ADGRV1: variants seen among roughly 807,000 people sequenced by gnomAD.
The protein encoded by ADGRV1 is adhesion G protein-coupled receptor V1, also known as G-protein coupled receptor 98.
A neutral mutation model predicts 596.2 loss-of-function variants in ADGRV1; 359 were observed. The observed-to-expected ratio is 0.60, with a 90% CI of 0.55 to 0.66. ADGRV1 has a LOEUF of 0.66. ADGRV1 is among the 30% of genes least tolerant of loss of function. The probability of loss-of-function intolerance (pLI) is 0.00; values close to 1 mark genes in which losing one functional copy is unlikely to be tolerated. For missense variants in ADGRV1, 7,274 were observed against 7,575.6 expected (o/e 0.96, Z 1.48); for synonymous variants, 2,681 against 2,679.2 (o/e 1.00, Z -0.02).
chr5:91,031,717 A>G (rs1012027314), intron 85 of ADGRV1, among the ~76,000 whole-genome samples: 1 of 152,172 alleles, frequency 6.6e-6, no homozygotes, highest in African/African-American at 2.4e-5. Context: ...TCTTCTTATG[A>G]TCAATAATGC....
At chr5:90,697,481 G>A (rs971025361) in intron 34 of ADGRV1, among the ~76,000 whole-genome samples, 13 of 147,582 alleles carry the variant, frequency 8.8e-5, no homozygotes, top group Non-Finnish European at 1.6e-4. Flanking sequence ...GCTAATAAAG[G>A]TAAAGTGCTT....
At chr5:91,147,083 C>T (rs921231251) in intron 87 of ADGRV1, among the ~76,000 whole-genome samples, 24 of 150,972 alleles carry the variant, frequency 1.6e-4, no homozygotes, top group African/African-American at 5.8e-4. Flanking sequence ...GGGAGTATCG[C>T]TTGAGCCTGG....
intron 87 of ADGRV1, among the ~76,000 whole-genome samples, chr5:91,141,093 T>C (rs1795059369): frequency 6.6e-6 from 1 of 152,184 alleles, no homozygotes; most frequent in South Asian, 2.1e-4. Flanking sequence ...CCTTGGTGTA[T>C]AAAAAGAAGA....
chr5:90,790,481 C>G (rs1245145566), intron 69 of ADGRV1, among the ~76,000 whole-genome samples: 2 of 152,082 alleles, frequency 1.3e-5, no homozygotes, highest in African/African-American at 4.8e-5. Context: ...CATAGATAGT[C>G]CTTTTTTATT....
intron 78 of ADGRV1, among the ~76,000 whole-genome samples, chr5:90,843,845 T>A (rs1765639303): frequency 6.6e-6 from 1 of 151,732 alleles, no homozygotes; most frequent in Admixed American, 6.5e-5. Context: ...CCTGACTAAA[T>A]GAATGCATGA....
chr5:90,665,119 T>C (rs1771086750), intron 21 of ADGRV1, among the ~76,000 whole-genome samples: 1 of 149,606 alleles, frequency 6.7e-6, no homozygotes. Flanking sequence ...AGAATGATGC[T>C]GGCCTCATAA....
chr5:90,819,149 T>A lies in ADGRV1; in HGVS notation c.16196+3413T>A, dbSNP rs909115800. Reference sequence around the variant, plus strand: ...TCTTTGTGGTTTAGTCTTGGGAGAGTGTATGTGTCAAGGAATTTATCCATT... The same window carrying A: ...TCTTTGTGGTTTAGTCTTGGGAGAGAGTATGTGTCAAGGAATTTATCCATT... On this transcript the variant is annotated intron_variant, in intron 75 of 89. Coordinates refer to ENST00000405460, the MANE Select transcript of ADGRV1 (RefSeq NM_032119.4). 1.8e-4 allele frequency among the ~76,000 whole-genome samples: 26 copies of A among 146,562 alleles called. No homozygotes were observed. In the East Asian group the frequency reaches 2.7e-3, roughly 15 times the overall value.
chr5:91,114,843 A>T (rs908856544), intron 87 of ADGRV1, among the ~76,000 whole-genome samples: 1 of 152,170 alleles, frequency 6.6e-6, no homozygotes. Flanking sequence ...GAAGTGGAAC[A>T]TGCTGTCATT....
intron 1 of ADGRV1, among the ~76,000 whole-genome samples, chr5:90,589,906 G>C (rs1759251321): frequency 6.6e-6 from 1 of 152,014 alleles, no homozygotes; most frequent in African/African-American, 2.4e-5. Flanking sequence ...TGTACCTAAA[G>C]GTTGACCACT....
At chr5:91,024,190 A>G (rs1289132991) in intron 85 of ADGRV1, among the ~76,000 whole-genome samples, 2 of 152,064 alleles carry the variant, frequency 1.3e-5, no homozygotes, top group Non-Finnish European at 2.9e-5. Context: ...GATCTTAGCC[A>G]TTTCTTCCAT....
intron 65 of ADGRV1, among the ~76,000 whole-genome samples, chr5:90,782,831 G>A (rs1158282493): frequency 6.7e-6 from 1 of 148,374 alleles, no homozygotes; most frequent in Non-Finnish European, 1.5e-5. Context: ...AGAAAGCAAG[G>A]ATCATTTGTT....
chr5:90,850,255 A>T (rs1460569414), intron 79 of ADGRV1, among the ~76,000 whole-genome samples: 2 of 152,204 alleles, frequency 1.3e-5, no homozygotes, highest in Non-Finnish European at 2.9e-5. Context: ...GTACAGAATC[A>T]ACATATCCCT....
Position 90,644,744 on chromosome 5 carries a change from G to A in ADGRV1, c.2773G>A (p.Asp925Asn), listed in dbSNP as rs1767485214. 1 of 1,611,214 alleles carries A rather than the reference G, an allele frequency of 6.2e-7. No homozygotes were observed. Among genetic ancestry groups the A allele is most frequent in the South Asian group, 1.1e-5 (1 of 89,848 alleles). Reference protein sequence around the residue: ...DVVRNRGNFGDVSVSWVVSPD... With the variant: ...DVVRNRGNFGNVSVSWVVSPD... Reference sequence around the variant, plus strand: ...AGTAAGAAATCGAGGCAACTTTGGTGATGTTAGTGTATCATGGGTGGTTAG... The same window carrying A: ...AGTAAGAAATCGAGGCAACTTTGGTAATGTTAGTGTATCATGGGTGGTTAG... The change falls in exon 15 of 90, where the codon GAT becomes AAT. Residue 925 changes from aspartate (D) to asparagine (N), a missense_variant. Asp to Asn is a conservative substitution (Grantham distance 23). This residue lies in a region of ADGRV1 where 1,715 missense variants were observed against 1,708.8 expected (regional missense o/e 1.00). Transcript: ENST00000405460.
At chr5:90,925,633 T>C (rs1172596258) in intron 83 of ADGRV1, among the ~76,000 whole-genome samples, 4 of 149,780 alleles carry the variant, frequency 2.7e-5, no homozygotes, top group Middle Eastern at 3.4e-3. Flanking sequence ...TTCCTTCTCC[T>C]GCCTAATTGC....
intron 87 of ADGRV1, among the ~76,000 whole-genome samples, chr5:91,114,633 G>A (rs1205264395): frequency 2.0e-5 from 3 of 152,144 alleles, no homozygotes; most frequent in Admixed American, 6.5e-5. Flanking sequence ...GAGACAAAGT[G>A]GAAATTTGTT....
At chr5:90,996,745 A>G (rs758364868) in intron 85 of ADGRV1, among the ~76,000 whole-genome samples, 6 of 152,212 alleles carry the variant, frequency 3.9e-5, no homozygotes, top group Non-Finnish European at 8.8e-5. Context: ...GCAGCTGTGG[A>G]GGCTGTACCC....
At chr5:90,730,356 T>C (rs1752399885) in intron 50 of ADGRV1, among the ~76,000 whole-genome samples, 1 of 152,240 alleles carries the variant, frequency 6.6e-6, no homozygotes, top group Non-Finnish European at 1.5e-5. Context: ...AATAATATAT[T>C]TCTTTTGTCT....
intron 1 of ADGRV1, among the ~76,000 whole-genome samples, chr5:90,590,320 G>A (rs1759315485): frequency 6.6e-6 from 1 of 152,138 alleles, no homozygotes; most frequent in African/African-American, 2.4e-5. Flanking sequence ...GCTCGATAAC[G>A]GCTGAGGCTG....
chr5:90,764,327 C>G (rs1341124642), intron 59 of ADGRV1, among the ~76,000 whole-genome samples: 1 of 152,242 alleles, frequency 6.6e-6, no homozygotes, highest in African/African-American at 2.4e-5. Context: ...ATTGCTGGGA[C>G]ACTGCTGCTC....
Sources: allele counts gnomAD v4.1 joint callset (sites outside exome capture counted in the v4.1 genomes callset), GRCh38; gene constraint gnomAD v4.1.1; regional missense constraint gnomAD v4.1.1; transcripts MANE v1.5; gene names NCBI Gene and HGNC (gene_info 2026-07-23, HGNC 2026-07-21).